THEM6: variants seen among roughly 807,000 people sequenced by gnomAD.
The protein encoded by THEM6 is protein THEM6.
Under a neutral mutation model 13.7 loss-of-function variants are expected in THEM6, and 10 were observed. The ratio of observed to expected loss-of-function variants is 0.73; its 90% confidence interval spans 0.45 to 1.24. THEM6 has a LOEUF of 1.24. Ranked by LOEUF, THEM6 falls within the 50% of genes most tolerant of loss-of-function variation. The pLI is 0.00. For missense variants in THEM6, 317 were observed against 312.6 expected (o/e 1.01, Z -0.11); for synonymous variants, 161 against 156.0 (o/e 1.03, Z -0.24).
Position 142,736,859 on chromosome 8 carries a change from A to G in THEM6, c.*1420A>G, listed in dbSNP as rs375970454. The G allele has an allele frequency of 6.6e-6, 1 of 152,250 alleles. No individual in the cohort carries two copies. The highest frequency in any genetic ancestry group is 1.9e-4 in the East Asian group (1 of 5,198). The allele number at this position is 152,250 out of a possible 1,614,324, so 9.4% of individuals were successfully genotyped here. ...TCACTGCTGTTCTTGCCTTACAGCC[A>G]CCATGGGAAAGCTGCAACCTTTCTG... On this transcript the variant is annotated 3_prime_UTR_variant, in exon 2 of 2. Coordinates refer to ENST00000336138, the MANE Select transcript of THEM6 (RefSeq NM_016647.3).
intron 1 of THEM6, among the ~76,000 whole-genome samples, chr8:142,733,684 C>G (rs1815700524): frequency 6.6e-6 from 1 of 152,196 alleles, no homozygotes; most frequent in Non-Finnish European, 1.5e-5. Flanking sequence ...TCTGTTGAGT[C>G]ATGTGAACCA....
rs782634656 is a variant in THEM6 at position 142,727,769 on chromosome 8, G to T, written c.423G>T (p.Arg141=). ...FYLEARFVSL[R]DGFVCALLRF... ...TGGAGGCGCGCTTTGTCAGCCTGCGGGACGGCTTCGTGTGCGCGCTGCTGC... is the reference window on the plus strand; with the variant it reads ...TGGAGGCGCGCTTTGTCAGCCTGCGTGACGGCTTCGTGTGCGCGCTGCTGC... The change falls in exon 1 of 2, where the codon CGG becomes CGT. Residue 141 remains arginine, a synonymous_variant. Coordinates refer to ENST00000336138, the MANE Select transcript of THEM6 (RefSeq NM_016647.3). The T allele has an allele frequency of 6.8e-7, 1 of 1,462,754 alleles. No homozygotes were observed. The highest frequency in any genetic ancestry group is 9.0e-7 in the Non-Finnish European group (1 of 1,116,420). 90.6% of individuals were successfully genotyped at this position (1,462,754 alleles called of 1,614,324 possible). A position where few individuals can be genotyped will look rare whatever the true frequency, so the allele number is the denominator to read the frequency against.
rs1554642438 is a variant in THEM6, at chr8:142,727,455, C to T, written c.109C>T (p.Leu37=). ...LPCAVLRARL[L]QPRVRDLLAE... ...GTGCGCCGTGCTGCGCGCGCGCCTG[C>T]TGCAGCCGCGCGTCCGTGACCTGCT... is the stretch of plus-strand genomic sequence containing the variant. The change falls in exon 1 of 2, where the codon CTG becomes TTG. Residue 37 remains leucine, a synonymous_variant. Transcript: ENST00000336138. 6.4e-7 allele frequency: 1 copy of T among 1,563,478 alleles called. No homozygotes were observed. The highest frequency in any genetic ancestry group is 8.6e-7 in the Non-Finnish European group (1 of 1,162,342).
At chr8:142,728,096 T>C (rs1212271964) in intron 1 of THEM6, among the ~76,000 whole-genome samples, 21 of 152,188 alleles carry the variant, frequency 1.4e-4, no homozygotes, top group Non-Finnish European at 1.9e-4. Context: ...ATAGTCGGGC[T>C]TAGCGTGCTT....
intron 1 of THEM6, among the ~76,000 whole-genome samples, chr8:142,728,270 G>A (rs1587580117): frequency 1.3e-5 from 2 of 152,208 alleles, no homozygotes; most frequent in African/African-American, 2.4e-5. Flanking sequence ...GAGTTCCCGA[G>A]GACCTGAGCC....
rs782266809 is a variant in THEM6 at position 142,731,411 on chromosome 8, GT to G, written c.513+3561del. On this transcript the variant is annotated intron_variant, in intron 1 of 1. Coordinates refer to ENST00000336138, the MANE Select transcript of THEM6 (RefSeq NM_016647.3). ...TTCTGACATACCTTGTATATAAACT[GT>G]TTTTTTTTAAATAATTTTACATTCA... 2.2e-3 allele frequency among the ~76,000 whole-genome samples: 331 copies of G among 149,892 alleles called. 1 individual carries two copies. Among genetic ancestry groups the G allele is most frequent in the Non-Finnish European group, 3.7e-3 (247 of 67,514 alleles).
chr8:142,735,328 G>GGAGCT lies in THEM6; in HGVS notation c.520_521insTGAGC (p.Pro174LeufsTer70). ...TGTCCCCTTTCTGTCCTCTGCAGGT[G>GGAGCT]GAGCCCCCTGAGCTGCCCGCTGATC... is the stretch of plus-strand genomic sequence containing the variant. On this transcript the variant is annotated frameshift_variant, in exon 2 of 2. Transcript: ENST00000336138. LOFTEE classifies it high-confidence loss of function. The GGAGCT allele has an allele frequency of 6.4e-7, 1 of 1,555,084 alleles. No homozygotes were observed. The highest frequency in any genetic ancestry group is 2.4e-5 in the East Asian group (1 of 41,268).
At position 142,727,771 on chromosome 8, in the gene THEM6, A is replaced by G. The variant is rs1467857712; in HGVS notation, c.425A>G (p.Asp142Gly). ...GAGGCGCGCTTTGTCAGCCTGCGGG[A>G]CGGCTTCGTGTGCGCGCTGCTGCGC... ...YLEARFVSLRDGFVCALLRFR... is the reference protein window; with the variant it reads ...YLEARFVSLRGGFVCALLRFR... The change falls in exon 1 of 2, where the codon GAC becomes GGC. Residue 142 changes from aspartate (D) to glycine (G), a missense_variant. Physicochemically the swap from Asp to Gly is moderately conservative, Grantham distance 94. Transcript: ENST00000336138. 1 of 1,463,136 alleles carries G rather than the reference A, an allele frequency of 6.8e-7. No individual in the cohort carries two copies. The highest frequency in any genetic ancestry group is 9.0e-7 in the Non-Finnish European group (1 of 1,116,414). 90.6% of individuals were successfully genotyped at this position (1,463,136 alleles called of 1,614,324 possible).
rs114576817 is a variant in THEM6 at position 142,728,393 on chromosome 8, G to A, written c.513+534G>A. Among the ~76,000 whole-genome samples, 674 of 152,342 alleles carry A rather than the reference G, an allele frequency of 4.4e-3. 6 individuals are homozygous for A. Among genetic ancestry groups the A allele is most frequent in the African/African-American group, 0.015 (639 of 41,590 alleles). On this transcript the variant is annotated intron_variant, in intron 1 of 1. Coordinates refer to ENST00000336138, the MANE Select transcript of THEM6 (RefSeq NM_016647.3). ...TCTGGCCTTTCTGCAGTTGGAGAGA[G>A]GAGGGCCATGCACCTCCCAGGGCTC...
Position 142,735,568 on chromosome 8 carries a change from C to T in THEM6, c.*129C>T. On this transcript the variant is annotated 3_prime_UTR_variant, in exon 2 of 2. Coordinates refer to ENST00000336138, the MANE Select transcript of THEM6 (RefSeq NM_016647.3). ...GACCAGCCTGGCCCACCCTGCTCCA[C>T]CCACTGGGCCCCCCCAGTTATTGAT... The T allele has an allele frequency of 1.5e-6, 1 of 680,450 alleles. No homozygotes were observed. The highest frequency in any genetic ancestry group is 1.7e-5 in the South Asian group (1 of 58,842). The allele number at this position is 680,450 out of a possible 1,614,324, so 42.2% of individuals were successfully genotyped here. A position where few individuals can be genotyped will look rare whatever the true frequency, so the allele number is the denominator to read the frequency against.
Position 142,735,313 on chromosome 8 carries a change from C to T in THEM6, c.514-13C>T, listed in dbSNP as rs1290300447. ...CGTAGCTTAGCTGGGTGTCCCCTTT[C>T]TGTCCTCTGCAGGTGGAGCCCCCTG... On this transcript the variant is annotated splice_polypyrimidine_tract_variant and intron_variant, in intron 1 of 1. Transcript: ENST00000336138. 6 of 1,546,836 alleles carry T rather than the reference C, an allele frequency of 3.9e-6. No homozygotes were observed. In the East Asian group the frequency reaches 1.5e-4, roughly 38 times the overall value.
At position 142,735,582 on chromosome 8, in the gene THEM6, C is replaced by T. The variant is rs1587586166; in HGVS notation, c.*143C>T. 1.5e-6 allele frequency: 1 copy of T among 651,454 alleles called. No homozygotes were observed. Among genetic ancestry groups the T allele is most frequent in the Non-Finnish European group, 2.8e-6 (1 of 362,642 alleles). 40.4% of individuals were successfully genotyped at this position (651,454 alleles called of 1,614,324 possible). A position where few individuals can be genotyped will look rare whatever the true frequency, so the allele number is the denominator to read the frequency against. ...ACCCTGCTCCACCCACTGGGCCCCC[C>T]CAGTTATTGATACCCCTCTGTGCTG... On this transcript the variant is annotated 3_prime_UTR_variant, in exon 2 of 2. Coordinates refer to ENST00000336138, the MANE Select transcript of THEM6 (RefSeq NM_016647.3).
Position 142,727,274 on chromosome 8 carries a change from A to G in THEM6, c.-73A>G. ...TGAGTTCCCAGGAGGCCTGGCGGGC[A>G]CCGTAACCAGCGCCGCGGACACCGG... On this transcript the variant is annotated 5_prime_UTR_variant, in exon 1 of 2. Coordinates refer to ENST00000336138, the MANE Select transcript of THEM6 (RefSeq NM_016647.3). The G allele has an allele frequency of 7.3e-7, 1 of 1,365,210 alleles. No homozygotes were observed. Among genetic ancestry groups the G allele is most frequent in the South Asian group, 1.6e-5 (1 of 62,196 alleles). The allele number at this position is 1,365,210 out of a possible 1,614,324, so 84.6% of individuals were successfully genotyped here.
intron 1 of THEM6, 138 bp from the exon 2 acceptor site, chr8:142,735,188 T>C: frequency 1.5e-6 from 1 of 664,360 alleles, no homozygotes; most frequent in Non-Finnish European, 2.7e-6. Context: ...GTGCAGAGCC[T>C]GGGGAGGCAT....
chr8:142,728,166 C>G (rs1178088726), intron 1 of THEM6, among the ~76,000 whole-genome samples: 1 of 152,232 alleles, frequency 6.6e-6, no homozygotes, highest in Non-Finnish European at 1.5e-5. Flanking sequence ...TCTCCTCTCT[C>G]CTGGTACTCT....
At chr8:142,728,937 C>CTTTTTTTTT (rs58263738) in intron 1 of THEM6, among the ~76,000 whole-genome samples, 39 of 107,250 alleles carry the variant, frequency 3.6e-4, no homozygotes, top group Non-Finnish European at 4.2e-4. Context: ...TTACTATTTT[C>CTTTTTTTTT]TTTTTTTTTT....
chr8:142,727,654 C>T lies in THEM6; in HGVS notation c.308C>T (p.Ser103Leu), dbSNP rs782499425. Residue 103 changes from serine to leucine, a missense_variant, in exon 1 of 2, where the codon TCG (serine) becomes TTG (leucine). By Grantham distance (145) the Ser-to-Leu change is moderately radical. Transcript: ENST00000336138. ...ELRAHTVLAA[S>L]CARHRRSLRL... ...CGGGCGCACACGGTGCTGGCGGCCTCGTGCGCGCGCCACCGCCGCTCGCTG... is the reference window on the plus strand; with the variant it reads ...CGGGCGCACACGGTGCTGGCGGCCTTGTGCGCGCGCCACCGCCGCTCGCTG... 2.1e-6 allele frequency: 3 copies of T among 1,444,824 alleles called. No individual in the cohort carries two copies. Among genetic ancestry groups the T allele is most frequent in the South Asian group, 2.8e-5 (2 of 70,926 alleles). The allele number at this position is 1,444,824 out of a possible 1,614,324, so 89.5% of individuals were successfully genotyped here.
intron 1 of THEM6, among the ~76,000 whole-genome samples, chr8:142,732,653 G>A (rs1189887609): frequency 6.6e-6 from 1 of 151,576 alleles, no homozygotes; most frequent in Admixed American, 6.6e-5. Context: ...CTTGGTCTGT[G>A]CACAGAGTTG....
chr8:142,733,683 T>C (rs927344443), intron 1 of THEM6, among the ~76,000 whole-genome samples: 1 of 152,156 alleles, frequency 6.6e-6, no homozygotes, highest in African/African-American at 2.4e-5. Flanking sequence ...TTCTGTTGAG[T>C]CATGTGAACC....
Sources: allele counts gnomAD v4.1 joint callset (sites outside exome capture counted in the v4.1 genomes callset), GRCh38; gene constraint gnomAD v4.1.1; transcripts MANE v1.5; gene names NCBI Gene and HGNC (gene_info 2026-07-23, HGNC 2026-07-21).